Variants in SCN11A observed in about 807,000 individuals in gnomAD.
SCN11A encodes the protein sodium voltage-gated channel alpha subunit 11.
Under a neutral mutation model 162.2 loss-of-function variants are expected in SCN11A, and 122 were observed. That is an observed-to-expected ratio of 0.75 (90% CI 0.65 to 0.87). SCN11A has a LOEUF of 0.87. SCN11A is among the 40% of genes least tolerant of loss of function. The pLI is 0.00. For missense variants in SCN11A, 2,015 were observed against 2,181.6 expected, an observed-to-expected ratio of 0.92 and a Z score of 1.52; for synonymous variants, 758 against 751.5, an observed-to-expected ratio of 1.01 and a Z score of -0.14.
At chr3:39,011,577 G>A in intron 2 of SCN11A, among the ~76,000 whole-genome samples, 1 of 152,154 alleles carries the variant, frequency 6.6e-6, no homozygotes, top group South Asian at 2.1e-4. Flanking sequence ...CATATGATAA[G>A]ATATTATCTT....
chr3:39,041,522 C>T (rs973205553), intron 1 of SCN11A, among the ~76,000 whole-genome samples: 1 of 152,148 alleles, frequency 6.6e-6, no homozygotes, highest in Admixed American at 6.5e-5. Context: ...CAGCAGAAAC[C>T]TTACAGGCCG....
chr3:39,022,442 G>T lies in SCN11A; in HGVS notation c.-280+9938C>A, dbSNP rs113976747. Among the ~76,000 whole-genome samples, 506 of 152,240 alleles carry T rather than the reference G, an allele frequency of 3.3e-3. 4 individuals are homozygous for T. The highest frequency in any genetic ancestry group is 0.01 in the Middle Eastern group (3 of 294). On this transcript the variant is annotated intron_variant, in intron 2 of 29. Coordinates refer to ENST00000302328, the MANE Select transcript of SCN11A (RefSeq NM_001349253.2). ...CATCCTGCAGGCTGCAACCCTTTAT[G>T]AGACATAAAGCTTTCCTTCCCACAT... is the stretch of plus-strand genomic sequence containing the variant.
At position 38,904,003 on chromosome 3, in the gene SCN11A, C is replaced by T; in HGVS notation, c.1704G>A (p.Lys568=). The T allele has an allele frequency of 6.2e-7, 1 of 1,613,320 alleles. No individual in the cohort carries two copies. Among genetic ancestry groups the T allele is most frequent in the Non-Finnish European group, 8.5e-7 (1 of 1,179,784 alleles). The change falls in exon 16 of 30, where the codon AAG becomes AAA. Residue 568 remains lysine (K), a synonymous_variant. Coordinates refer to ENST00000302328, the MANE Select transcript of SCN11A (RefSeq NM_001349253.2). The part of the protein sequence containing the change: ...NCCPQWLCVK[K]VLRTVMTDPF... ...GGTCAGTCATCACAGTTCTCAGGAC[C>T]TTCTTAACGCACAGCCACTGGGGGC...
chr3:38,850,637 G>A lies in SCN11A; in HGVS notation c.4171C>T (p.Pro1391Ser). Reference sequence around the variant, plus strand: ...TCAAGGATGGATTTCATGGCTTTGGGTTGGTTGTATGATTCAGCCATCATG... The same window carrying A: ...TCAAGGATGGATTTCATGGCTTTGGATTGGTTGTATGATTCAGCCATCATG... Reference protein sequence around the residue: ...ISMMAESYNQPKAMKSILDHL... With the variant: ...ISMMAESYNQSKAMKSILDHL... Residue 1391 changes from proline to serine, a missense_variant, in exon 29 of 30, where the codon CCC becomes TCC. By Grantham distance (74) the Pro-to-Ser change is moderately conservative. Transcript: ENST00000302328. 2 of 1,613,932 alleles carry A rather than the reference G, an allele frequency of 1.2e-6. No homozygotes were observed. Among genetic ancestry groups the A allele is most frequent in the Non-Finnish European group, 1.7e-6 (2 of 1,179,884 alleles).
chr3:39,015,231 T>C (rs2031258052), intron 2 of SCN11A, among the ~76,000 whole-genome samples: 1 of 152,226 alleles, frequency 6.6e-6, no homozygotes, highest in Non-Finnish European at 1.5e-5. Context: ...CCTTCTACTT[T>C]CTTCCATGTG....
At chr3:38,887,319 C>A (rs982419000) in intron 19 of SCN11A, among the ~76,000 whole-genome samples, 8 of 151,642 alleles carry the variant, frequency 5.3e-5, no homozygotes, top group Middle Eastern at 3.2e-3. Context: ...CCACATGGGA[C>A]AATAATTCAA....
chr3:38,924,380 T>G (rs573359141), intron 9 of SCN11A, among the ~76,000 whole-genome samples: 46 of 131,650 alleles, frequency 3.5e-4, no homozygotes, highest in African/African-American at 1.8e-3. Flanking sequence ...TCTAACTAAT[T>G]TTTTTTTTTT....
intron 4 of SCN11A, chr3:38,950,644 T>G (rs2066598512): frequency 2.3e-6 from 1 of 429,372 alleles, no homozygotes. Context: ...CAGGAACAAG[T>G]GAGCAGAAGA....
chr3:38,873,231 T>A (rs987625692), intron 23 of SCN11A, among the ~76,000 whole-genome samples: 1 of 152,188 alleles, frequency 6.6e-6, no homozygotes, highest in African/African-American at 2.4e-5. Flanking sequence ...TTGCTGCAGA[T>A]CTTCAGCCAT....
chr3:38,895,092 C>G, intron 18 of SCN11A, 128 bp from the exon 19 acceptor site: 1 of 725,910 alleles, frequency 1.4e-6, no homozygotes, highest in Non-Finnish European at 2.2e-6. Context: ...CCCACTGTCT[C>G]CTAAGAAAGC....
At chr3:38,974,356 T>C (rs2066834621) in intron 2 of SCN11A, among the ~76,000 whole-genome samples, 2 of 151,920 alleles carry the variant, frequency 1.3e-5, no homozygotes, top group Admixed American at 6.6e-5. Flanking sequence ...TACAAAATGA[T>C]GCAAAATAAG....
rs1400591343 is a variant in SCN11A at position 38,986,055 on chromosome 3, GAA to G, written c.-279-25634_-279-25633del. Among the ~76,000 whole-genome samples, 2 of 151,076 alleles carry G rather than the reference GAA, an allele frequency of 1.3e-5. 1 individual carries two copies. The highest frequency in any genetic ancestry group is 4.9e-5 in the African/African-American group (2 of 40,404). On this transcript the variant is annotated intron_variant, in intron 2 of 29. Coordinates refer to ENST00000302328, the MANE Select transcript of SCN11A (RefSeq NM_001349253.2). ...TGAGTGTCCTATACAAGTGATGTAA[GAA>G]AGTAAGGCAAAAGCCACAATGTCTA... is the stretch of plus-strand genomic sequence containing the variant.
In SCN11A at chr3:38,927,374, A is replaced by G. The variant is rs186286037; in HGVS notation, c.489-443T>C. 4.7e-3 allele frequency among the ~76,000 whole-genome samples: 717 copies of G among 152,322 alleles called. 2 individuals carry two copies. Among genetic ancestry groups the G allele is most frequent in the Middle Eastern group, 6.8e-3 (2 of 294 alleles). ...TTGGAAGGTTTAATATTGTTAAGAT[A>G]TCGTACTACCCAGGGTGATCTACAG... On this transcript the variant is annotated intron_variant, in intron 7 of 29. Coordinates refer to ENST00000302328, the MANE Select transcript of SCN11A (RefSeq NM_001349253.2).
chr3:38,997,595 T>C (rs1358425337), intron 2 of SCN11A, among the ~76,000 whole-genome samples: 2 of 152,230 alleles, frequency 1.3e-5, no homozygotes, highest in Admixed American at 6.5e-5. Flanking sequence ...GAATGTTAGC[T>C]ACACAAGGGC....
At position 38,878,086 on chromosome 3, in the gene SCN11A, G is replaced by A. The variant is rs889726013; in HGVS notation, c.3393+1864C>T. Among the ~76,000 whole-genome samples the A allele has an allele frequency of 3.3e-5, 5 of 151,712 alleles. No individual in the cohort carries two copies. In the South Asian group the frequency reaches 1.0e-3, roughly 32 times the overall value. On this transcript the variant is annotated intron_variant, in intron 23 of 29. Coordinates refer to ENST00000302328, the MANE Select transcript of SCN11A (RefSeq NM_001349253.2). Reference sequence around the variant, plus strand: ...CAGTGTACACTGATCGGGCGATGGGGCACCAAAATCTCAGAAATCACCGCT... The same window carrying A: ...CAGTGTACACTGATCGGGCGATGGGACACCAAAATCTCAGAAATCACCGCT...
At chr3:38,889,838 AAAATAAAATAAAATAAAATAAAAT>A (rs2065468887) in intron 19 of SCN11A, among the ~76,000 whole-genome samples, 3 of 137,516 alleles carry the variant, frequency 2.2e-5, no homozygotes. Flanking sequence ...AAAATAAAAT[AAAATAAAATAAAATAAAATAAAAT>A]AAAATAAAGA....
chr3:38,848,189 T>G, intron 29 of SCN11A, among the ~76,000 whole-genome samples: 1 of 152,248 alleles, frequency 6.6e-6, no homozygotes. Flanking sequence ...TCTCTGTTGC[T>G]GCAAACCCCA....
chr3:38,880,188 A>G lies in SCN11A; in HGVS notation c.3220-65T>C, dbSNP rs903646646. ...TTGCAAAGAACTCCTTGGTAACTTT[A>G]CTTTTTGTTTTTCTTCCTTATATGA... On this transcript the variant is annotated intron_variant, in intron 22 of 29. Transcript: ENST00000302328. The G allele has an allele frequency of 1.7e-5, 21 of 1,243,716 alleles. No individual in the cohort carries two copies. In the Admixed American group the frequency reaches 3.0e-4, roughly 18 times the overall value. 77.0% of individuals were successfully genotyped at this position (1,243,716 alleles called of 1,614,324 possible).
Position 38,879,999 on chromosome 3 carries a change from C to A in SCN11A, c.3344G>T (p.Gly1115Val). Residue 1115 changes from glycine (G) to valine (V), a missense_variant, in exon 23 of 30, where the codon GGA becomes GTA. Coordinates refer to ENST00000302328, the MANE Select transcript of SCN11A (RefSeq NM_001349253.2). ...GCACCAGGCACTGGTGAAATACTTT[C>A]CAAATCCGAAGGCTACCCATTTTAG... ...MVLKWVAFGFGKYFTSAWCCL... is the reference protein window; with the variant it reads ...MVLKWVAFGFVKYFTSAWCCL... 1 of 1,613,060 alleles carries A rather than the reference C, an allele frequency of 6.2e-7. No homozygotes were observed. Among genetic ancestry groups the A allele is most frequent in the Non-Finnish European group, 8.5e-7 (1 of 1,179,408 alleles).
Sources: allele counts gnomAD v4.1 joint callset (sites outside exome capture counted in the v4.1 genomes callset), GRCh38; gene constraint gnomAD v4.1.1; transcripts MANE v1.5; gene names NCBI Gene and HGNC (gene_info 2026-07-23, HGNC 2026-07-21).